NR3C2: variants seen among roughly 807,000 people sequenced by gnomAD.
The protein encoded by NR3C2 is nuclear receptor subfamily 3 group C member 2.
A neutral mutation model predicts 86.4 loss-of-function variants in NR3C2; 15 were observed. The observed-to-expected ratio is 0.17, with a 90% CI of 0.12 to 0.27. NR3C2 has a LOEUF of 0.27. Among genes scored for constraint, NR3C2 ranks in the 10% least tolerant of loss-of-function variants. NR3C2 has a pLI of 1.00. For missense variants in NR3C2, 960 were observed against 1,195.6 expected (o/e 0.80, Z 2.91); for synonymous variants, 458 against 450.5 (o/e 1.02, Z -0.21).
At chr4:148,375,656 C>T (rs544133147) in intron 2 of NR3C2, among the ~76,000 whole-genome samples, 24 of 152,126 alleles carry the variant, frequency 1.6e-4, no homozygotes, top group African/African-American at 5.3e-4. Context: ...TATTTTAATA[C>T]GCATAGCAAA....
chr4:148,141,417 ATC>A (rs150410024), intron 6 of NR3C2, among the ~76,000 whole-genome samples: 49,770 of 146,054 alleles, frequency 0.34, 8,929 homozygotes, highest in East Asian at 0.66. Context: ...GTGAGACTCC[ATC>A]TCTCTCTCTC....
At position 148,241,317 on chromosome 4, in the gene NR3C2, AAAAAAAAAAAAAAAAAG is replaced by A. The variant is rs1739027164; in HGVS notation, c.1897+18644_1897+18660del. On this transcript the variant is annotated intron_variant, in intron 3 of 8. Transcript: ENST00000358102. ...CAAAACTCTGTCTCAAAAAAAAAAA[AAAAAAAAAAAAAAAAAG>A]GGGAAAAATAAAATCTAATCTCCCT... Among the ~76,000 whole-genome samples, 4 of 145,282 alleles carry A rather than the reference AAAAAAAAAAAAAAAAAG, an allele frequency of 2.8e-5. 1 individual carries two copies. Among genetic ancestry groups the A allele is most frequent in the South Asian group, 2.2e-4 (1 of 4,468 alleles).
At chr4:148,142,446 T>C (rs1333659849) in intron 6 of NR3C2, among the ~76,000 whole-genome samples, 1 of 152,138 alleles carries the variant, frequency 6.6e-6, no homozygotes, top group Admixed American at 6.5e-5. Context: ...TCCTCAGTGT[T>C]GGAGGTGGGG....
chr4:148,303,101 A>G (rs969011017), intron 2 of NR3C2, among the ~76,000 whole-genome samples: 1 of 152,358 alleles, frequency 6.6e-6, no homozygotes, highest in Non-Finnish European at 1.5e-5. Flanking sequence ...GTATAAGACT[A>G]AAGTCTATTT....
chr4:148,387,836 C>T (rs985153036), intron 2 of NR3C2, among the ~76,000 whole-genome samples: 8 of 152,192 alleles, frequency 5.3e-5, no homozygotes, highest in African/African-American at 1.9e-4. Context: ...TTATTCTACA[C>T]AACTACGAAT....
At chr4:148,408,542 C>G (rs1579262997) in intron 2 of NR3C2, among the ~76,000 whole-genome samples, 1 of 152,160 alleles carries the variant, frequency 6.6e-6, no homozygotes, top group Admixed American at 6.5e-5. Flanking sequence ...GGTTTTTAAA[C>G]TCATTGAAAT....
At chr4:148,320,073 G>A (rs899115338) in intron 2 of NR3C2, among the ~76,000 whole-genome samples, 15 of 127,372 alleles carry the variant, frequency 1.2e-4, no homozygotes, top group Non-Finnish European at 2.4e-4. Flanking sequence ...TTTATTGAGA[G>A]TTTTTAGCAT....
At position 148,145,267 on chromosome 4, in the gene NR3C2, G is replaced by C. The variant is rs140178932; in HGVS notation, c.2510+7202C>G. ...GGAACACCTTAAGTGAGCATGCATA[G>C]AACTCCAGTAAACACATTGTGCATG... On this transcript the variant is annotated intron_variant, in intron 6 of 8. Coordinates refer to ENST00000358102, the MANE Select transcript of NR3C2 (RefSeq NM_000901.5). Among the ~76,000 whole-genome samples the C allele has an allele frequency of 4.8e-3, 736 of 152,254 alleles. 5 individuals are homozygous for C. Among genetic ancestry groups the C allele is most frequent in the African/African-American group, 0.017 (688 of 41,544 alleles).
At chr4:148,412,722 T>C (rs1248147523) in intron 2 of NR3C2, among the ~76,000 whole-genome samples, 1 of 152,190 alleles carries the variant, frequency 6.6e-6, no homozygotes, top group African/African-American at 2.4e-5. Flanking sequence ...TAAAAGCACA[T>C]AATTTTTATC....
chr4:148,329,138 A>G (rs6849327), intron 2 of NR3C2, among the ~76,000 whole-genome samples: 51,392 of 151,962 alleles, frequency 0.34, 9,943 homozygotes, highest in African/African-American at 0.54. Flanking sequence ...ACTCCAGGGC[A>G]CATAGGGGCC....
chr4:148,278,827 T>C (rs1031929721), intron 2 of NR3C2, among the ~76,000 whole-genome samples: 5 of 151,946 alleles, frequency 3.3e-5, no homozygotes, highest in African/African-American at 1.2e-4. Context: ...ACAAAGTATG[T>C]ATTTACTAAA....
intron 2 of NR3C2, among the ~76,000 whole-genome samples, chr4:148,376,585 T>C (rs2126417918): frequency 6.6e-6 from 1 of 152,332 alleles, no homozygotes; most frequent in Non-Finnish European, 1.5e-5. Context: ...AATCATTTAT[T>C]TTACTTATAA....
rs762861912 is a variant in NR3C2, at chr4:148,081,368, C to T, written c.2931G>A (p.Lys977=). 1.9e-6 allele frequency: 3 copies of T among 1,614,200 alleles called. No individual in the cohort carries two copies. In the South Asian group the frequency reaches 3.3e-5, roughly 18 times the overall value. ...QLPKVESGNA[K]PLYFHRK is the part of the protein sequence containing the mutation. ...GTCACTTCCGGTGGAAGTAGAGCGG[C>T]TTGGCGTTCCCCGACTCCACCTTGG... Residue 977 remains lysine, a synonymous_variant, in exon 9 of 9, where the codon AAG becomes AAA. Transcript: ENST00000358102.
intron 2 of NR3C2, among the ~76,000 whole-genome samples, chr4:148,304,247 A>C (rs1333836841): frequency 6.6e-6 from 1 of 151,834 alleles, no homozygotes; most frequent in Non-Finnish European, 1.5e-5. Flanking sequence ...TCAAACCTTA[A>C]ACTGGTTGGC....
intron 2 of NR3C2, among the ~76,000 whole-genome samples, chr4:148,345,802 G>A (rs1218721749): frequency 6.6e-6 from 1 of 151,982 alleles, no homozygotes. Context: ...ACTGACTACA[G>A]GCCAGGTACC....
At chr4:148,232,912 CA>C (rs1193751248) in intron 3 of NR3C2, among the ~76,000 whole-genome samples, 1 of 152,194 alleles carries the variant, frequency 6.6e-6, no homozygotes, top group Non-Finnish European at 1.5e-5. Context: ...AAGCTTCAAA[CA>C]TTTCTTCCGC....
chr4:148,129,678 C>T (rs1163076819), intron 6 of NR3C2, among the ~76,000 whole-genome samples: 1 of 152,178 alleles, frequency 6.6e-6, no homozygotes, highest in African/African-American at 2.4e-5. Flanking sequence ...TCACTGCAAC[C>T]TTCGCCTCCC....
At chr4:148,118,244 C>G (rs1405527625) in intron 7 of NR3C2, among the ~76,000 whole-genome samples, 1 of 152,188 alleles carries the variant, frequency 6.6e-6, no homozygotes, top group Admixed American at 6.5e-5. Flanking sequence ...AAGCCCAAAA[C>G]AGCTTCTCAT....
At chr4:148,315,745 T>A (rs1202925935) in intron 2 of NR3C2, among the ~76,000 whole-genome samples, 1 of 152,186 alleles carries the variant, frequency 6.6e-6, no homozygotes, top group Non-Finnish European at 1.5e-5. Context: ...TTTTGGAAAT[T>A]TCCTTTAGGG....
Sources: gnomAD v4.1 joint callset for allele counts (sites outside exome capture counted in the v4.1 genomes callset) on GRCh38, gnomAD v4.1.1 for gene constraint, MANE v1.5 for transcripts, NCBI Gene and HGNC (gene_info 2026-07-23, HGNC 2026-07-21) for gene names.